DACH2: variants seen among roughly 807,000 people sequenced by gnomAD.
DACH2 encodes the protein dachshund homolog 2.
Under a neutral mutation model 35.8 loss-of-function variants are expected in DACH2, and 17 were observed. That is an observed-to-expected ratio of 0.48 (90% CI 0.33 to 0.71). DACH2 has a LOEUF of 0.71. Ranked by LOEUF, DACH2 falls within the 30% of genes least tolerant of loss-of-function variation. DACH2 has a pLI of 0.02. For synonymous variants in DACH2, 195 were observed against 177.3 expected (o/e 1.10, Z -0.79); for missense variants, 469 against 472.7 (o/e 0.99, Z 0.07).
chrX:86,187,240 C>T (rs914877640), intron 1 of DACH2, among the ~76,000 whole-genome samples: 11 of 110,818 alleles, frequency 9.9e-5, no homozygotes, highest in Middle Eastern at 4.3e-3. Context: ...TATAATTGAA[C>T]GCCACCAGAG....
At chrX:86,165,950 A>C (rs765976384) in intron 1 of DACH2, among the ~76,000 whole-genome samples, 6 of 111,809 alleles carry the variant, frequency 5.4e-5, no homozygotes, top group Admixed American at 9.5e-5. Context: ...TTCTTGTAGC[A>C]GTTTCACAGT....
At chrX:86,710,447 G>C (rs1038777036) in intron 5 of DACH2, among the ~76,000 whole-genome samples, 4 of 112,270 alleles carry the variant, frequency 3.6e-5, no homozygotes, top group African/African-American at 6.5e-5. Context: ...ATATATAACA[G>C]ATTATTACAA....
At chrX:86,642,905 T>G (rs1257317458) in intron 3 of DACH2, among the ~76,000 whole-genome samples, 2 of 111,441 alleles carry the variant, frequency 1.8e-5, no homozygotes, top group Non-Finnish European at 3.8e-5. Flanking sequence ...TCTTTAAAAA[T>G]AATGAGAACA....
intron 2 of DACH2, among the ~76,000 whole-genome samples, chrX:86,452,038 G>C (rs1009554662): frequency 9.0e-6 from 1 of 111,574 alleles, no homozygotes; most frequent in Non-Finnish European, 1.9e-5. Context: ...TAACATAAAG[G>C]GATGTTGAAT....
chrX:86,638,657 A>T (rs1026608623), intron 3 of DACH2, among the ~76,000 whole-genome samples: 2 of 112,435 alleles, frequency 1.8e-5, no homozygotes, highest in African/African-American at 6.5e-5. Context: ...ATGTGAAAAA[A>T]TGCTTAATGT....
intron 2 of DACH2, among the ~76,000 whole-genome samples, chrX:86,384,126 T>C (rs2036088953): frequency 9.1e-6 from 1 of 110,045 alleles, no homozygotes; most frequent in African/African-American, 3.3e-5. Context: ...TATACACCAA[T>C]GAGTAGGGTG....
chrX:86,669,345 T>A (rs1044237556), intron 4 of DACH2, among the ~76,000 whole-genome samples: 1 of 111,501 alleles, frequency 9.0e-6, no homozygotes, highest in African/African-American at 3.2e-5. Context: ...TTCAGTCATG[T>A]TGCATTCGTT....
chrX:86,277,158 A>G (rs1430570833), intron 1 of DACH2, among the ~76,000 whole-genome samples: 1 of 111,742 alleles, frequency 8.9e-6, no homozygotes, highest in African/African-American at 3.2e-5. Flanking sequence ...CTTCTAATTT[A>G]TATCCATGGA....
intron 7 of DACH2, among the ~76,000 whole-genome samples, chrX:86,786,794 A>G (rs757673954): frequency 1.1e-4 from 12 of 112,296 alleles, no homozygotes; most frequent in Admixed American, 9.5e-5. Flanking sequence ...AATTTTGTTC[A>G]TCATCATTGC....
At position 86,288,452 on chromosome X, in the gene DACH2, C is replaced by G. The variant is rs745589917; in HGVS notation, c.489-88372C>G. ...ATCAGCAGTAGAAAAGCCTCCAGAC[C>G]TGTGTCCTTCCCTTCAGAGTGGTGA... On this transcript the variant is annotated intron_variant, in intron 1 of 11. Coordinates refer to ENST00000373125, the MANE Select transcript of DACH2 (RefSeq NM_053281.3). Among the ~76,000 whole-genome samples the G allele has an allele frequency of 8.0e-5, 9 of 112,234 alleles. 1 individual carries two copies. In the South Asian group the frequency reaches 3.0e-3, roughly 37 times the overall value.
chrX:86,508,209 T>G (rs2038351333), intron 2 of DACH2, among the ~76,000 whole-genome samples: 1 of 111,666 alleles, frequency 9.0e-6, no homozygotes, highest in Non-Finnish European at 1.9e-5. Flanking sequence ...TGTCTGACAG[T>G]GATATGATAC....
chrX:86,466,912 G>A (rs1300362237), intron 2 of DACH2, among the ~76,000 whole-genome samples: 3 of 111,178 alleles, frequency 2.7e-5, no homozygotes, highest in Non-Finnish European at 1.9e-5. Flanking sequence ...GCTGCACACA[G>A]CACAGGGACC....
At chrX:86,165,674 GATT>G (rs1480056675) in intron 1 of DACH2, among the ~76,000 whole-genome samples, 1 of 110,161 alleles carries the variant, frequency 9.1e-6, no homozygotes, top group Non-Finnish European at 1.9e-5. Flanking sequence ...TTTTTGATTG[GATT>G]ATTAGATTTT....
chrX:86,546,339 C>CTCCTCTTCTTCTTCTTCTTCTTCT (rs1380637599), intron 3 of DACH2, among the ~76,000 whole-genome samples: 5 of 67,218 alleles, frequency 7.4e-5, no homozygotes, highest in Admixed American at 1.7e-4. Context: ...CTTCTTCTTC[C>CTCCTCTTCTTCTTCTTCTTCTTCT]TCTTCTTCTT....
At chrX:86,623,876 C>T (rs1293696406) in intron 3 of DACH2, among the ~76,000 whole-genome samples, 2 of 97,093 alleles carry the variant, frequency 2.1e-5, no homozygotes, top group Non-Finnish European at 4.2e-5. Context: ...GGTGAAACCC[C>T]GTCTCTACTA....
chrX:86,465,428 C>T (rs1385272433), intron 2 of DACH2, among the ~76,000 whole-genome samples: 2 of 111,800 alleles, frequency 1.8e-5, no homozygotes, highest in African/African-American at 3.3e-5. Context: ...AGTAGTGGAG[C>T]TCACATCCAG....
chrX:86,801,490 AAGG>A, intron 7 of DACH2, among the ~76,000 whole-genome samples: 1 of 112,265 alleles, frequency 8.9e-6, no homozygotes, highest in Non-Finnish European at 1.9e-5. Context: ...TGAACAAGAG[AAGG>A]AGATGACTAA....
At chrX:86,258,194 A>T (rs933713932) in intron 1 of DACH2, among the ~76,000 whole-genome samples, 2 of 112,038 alleles carry the variant, frequency 1.8e-5, no homozygotes, top group Admixed American at 1.9e-4. Context: ...CCATCATACA[A>T]TTCTTTTTAA....
At chrX:86,280,217 C>T (rs964849151) in intron 1 of DACH2, among the ~76,000 whole-genome samples, 1 of 111,807 alleles carries the variant, frequency 8.9e-6, no homozygotes, top group African/African-American at 3.2e-5. Context: ...GGTCAGGTTA[C>T]CCACAAAGGG....
Sources: allele counts gnomAD v4.1 joint callset (sites outside exome capture counted in the v4.1 genomes callset), GRCh38; gene constraint gnomAD v4.1.1; transcripts MANE v1.5; gene names NCBI Gene and HGNC (gene_info 2026-07-23, HGNC 2026-07-21).